SP2: variants seen among roughly 807,000 people sequenced by gnomAD.
The protein encoded by SP2 is transcription factor Sp2.
In SP2, 9 loss-of-function variants were observed where a neutral mutation model predicts 50.1. The observed-to-expected ratio is 0.18, with a 90% confidence interval of 0.11 to 0.31. The LOEUF is 0.31. Among genes scored for constraint, SP2 ranks in the 10% least tolerant of loss-of-function variants. SP2 has a pLI of 1.00. For synonymous variants in SP2, 313 were observed against 326.6 expected (o/e 0.96, Z 0.45); for missense variants, 581 against 806.5 (o/e 0.72, Z 3.39).
Position 47,928,187 on chromosome 17 carries a change from C to A in SP2, c.*363C>A. 5.2e-6 allele frequency: 1 copy of A among 193,246 alleles called. No homozygotes were observed. The allele number at this position is 193,246 out of a possible 1,614,324, so 12.0% of individuals were successfully genotyped here. A position where few individuals can be genotyped will look rare whatever the true frequency, so the allele number is the denominator to read the frequency against. On this transcript the variant is annotated 3_prime_UTR_variant, in exon 7 of 7. Coordinates refer to ENST00000376741, the MANE Select transcript of SP2 (RefSeq NM_003110.6). ...CTACCCCCCACCCCGATCCCCGCTC[C>A]CAACACTGCCGGAGTCGCGTCATGC... is the stretch of plus-strand genomic sequence containing the variant.
chr17:47,930,773 C>T (rs1006625638), downstream of SP2, among the ~76,000 whole-genome samples: 8 of 152,098 alleles, frequency 5.3e-5, no homozygotes, highest in African/African-American at 1.7e-4. Flanking sequence ...GGTAGGGGCC[C>T]CACATGTGTA....
intron 1 of SP2, among the ~76,000 whole-genome samples, chr17:47,910,084 C>G (rs528864778): frequency 1.3e-5 from 2 of 152,022 alleles, no homozygotes; most frequent in Middle Eastern, 3.4e-3. Context: ...CCTGATACAC[C>G]TGCCTCAACC....
intron 1 of SP2, chr17:47,900,179 C>T (rs1187435597): frequency 6.6e-6 from 1 of 152,234 alleles, no homozygotes; most frequent in Non-Finnish European, 1.5e-5. Flanking sequence ...AGCCAGCAGA[C>T]ACTAGCGTAC....
chr17:47,920,185 G>A (rs756130079), intron 3 of SP2, among the ~76,000 whole-genome samples: 19 of 151,826 alleles, frequency 1.3e-4, no homozygotes, highest in Non-Finnish European at 2.2e-4. Context: ...TTTTCAGGTC[G>A]GCTCTCTGCA....
chr17:47,908,109 G>A (rs2034837066), intron 1 of SP2, among the ~76,000 whole-genome samples: 1 of 152,132 alleles, frequency 6.6e-6, no homozygotes, highest in Non-Finnish European at 1.5e-5. Context: ...AGCTGGGGAG[G>A]AAAATGAAAC....
chr17:47,916,523 A>G lies in SP2; in HGVS notation c.452A>G (p.Asn151Ser), dbSNP rs1302555411. Residue 151 changes from asparagine (N) to serine (S), a missense_variant, in exon 3 of 7, where the codon AAT becomes AGT. Asn to Ser is a conservative substitution (Grantham distance 46). This residue lies in a region of SP2 where 397 missense variants were observed against 491.0 expected (regional missense o/e 0.81). Transcript: ENST00000376741. The surrounding 1 kb of genome is among the most constrained non-coding windows in gnomAD (Gnocchi z 4.7). ...SNSQTIQVQP[N>S]LTNQIQIIPG... ...TCCCAAACCATCCAAGTACAGCCCAATCTCACCAACCAGATCCAGATCATC... is the reference window on the plus strand; with the variant it reads ...TCCCAAACCATCCAAGTACAGCCCAGTCTCACCAACCAGATCCAGATCATC... 3.7e-6 allele frequency: 6 copies of G among 1,613,942 alleles called. No homozygotes were observed. Among genetic ancestry groups the G allele is most frequent in the South Asian group, 1.1e-5 (1 of 91,072 alleles).
downstream of SP2, among the ~76,000 whole-genome samples, chr17:47,931,065 G>A (rs1006231067): frequency 6.6e-6 from 1 of 152,118 alleles, no homozygotes; most frequent in Non-Finnish European, 1.5e-5. Flanking sequence ...TTTCTGGCCG[G>A]GCACAGTGGC....
intron 1 of SP2, among the ~76,000 whole-genome samples, chr17:47,913,244 G>A (rs2035061751): frequency 1.3e-5 from 2 of 151,270 alleles, no homozygotes; most frequent in South Asian, 4.2e-4. Context: ...AAGAGATGGG[G>A]TCTTGCTATG....
chr17:47,919,687 A>C (rs1055187998), intron 3 of SP2, among the ~76,000 whole-genome samples: 3 of 152,098 alleles, frequency 2.0e-5, no homozygotes, highest in Non-Finnish European at 2.9e-5. Context: ...AGTGAAACAC[A>C]CTGCTAATTC....
At chr17:47,901,987 ATT>A (rs1395186332) in intron 1 of SP2, among the ~76,000 whole-genome samples, 3 of 152,172 alleles carry the variant, frequency 2.0e-5, no homozygotes, top group Admixed American at 2.0e-4. Context: ...ACTAATAGAT[ATT>A]TGTTAGACAG....
At chr17:47,897,748 C>A in intron 1 of SP2, 1 of 470,050 alleles carries the variant, frequency 2.1e-6, no homozygotes, top group Non-Finnish European at 2.8e-6. Flanking sequence ...CAAAGAAACC[C>A]ATTGTCTGCA....
At chr17:47,927,508 G>A (rs1268027902) in intron 6 of SP2, among the ~76,000 whole-genome samples, 3 of 142,888 alleles carry the variant, frequency 2.1e-5, no homozygotes, top group Admixed American at 7.2e-5. Flanking sequence ...CTCCAGCCTG[G>A]CCAGCAGAGT....
At chr17:47,899,075 G>A (rs1009701326) in intron 1 of SP2, 4 of 152,166 alleles carry the variant, frequency 2.6e-5, no homozygotes, top group South Asian at 2.1e-4. Flanking sequence ...TTGGATATGC[G>A]TGCAACTCCT....
intron 3 of SP2, among the ~76,000 whole-genome samples, chr17:47,921,467 G>C (rs1365399473): frequency 6.6e-6 from 1 of 152,048 alleles, no homozygotes; most frequent in African/African-American, 2.4e-5. Context: ...GACCAAGCTG[G>C]TATTGAACCA....
At chr17:47,905,861 C>T (rs375650204) in intron 1 of SP2, among the ~76,000 whole-genome samples, 17 of 152,176 alleles carry the variant, frequency 1.1e-4, no homozygotes, top group African/African-American at 3.1e-4. Flanking sequence ...AGGAGCTGGC[C>T]GGGCAAATGG....
intron 1 of SP2, chr17:47,908,493 T>C (rs935847879): frequency 1.3e-5 from 2 of 152,224 alleles, no homozygotes; most frequent in Non-Finnish European, 2.9e-5. Flanking sequence ...CAACATGGTC[T>C]GAGAAGTATA....
intron 1 of SP2, among the ~76,000 whole-genome samples, chr17:47,913,874 C>T (rs16949418): frequency 0.25 from 38,003 of 151,990 alleles, 5,685 homozygotes; most frequent in East Asian, 0.51. Context: ...AAAACTCAAC[C>T]GCTAGGAGAT....
chr17:47,905,283 T>C (rs1439294772), intron 1 of SP2, among the ~76,000 whole-genome samples: 1 of 152,194 alleles, frequency 6.6e-6, no homozygotes, highest in African/African-American at 2.4e-5. Context: ...GCTAGGCAAC[T>C]GGAAAAGCCT....
rs1245227360 is a variant in SP2, at chr17:47,928,893, C to T, written c.*1069C>T. 1.6e-4 allele frequency: 25 copies of T among 152,646 alleles called. No individual in the cohort carries two copies. The highest frequency in any genetic ancestry group is 1.6e-3 in the Admixed American group (25 of 15,284). 9.5% of individuals were successfully genotyped at this position (152,646 alleles called of 1,614,324 possible). A position where few individuals can be genotyped will look rare whatever the true frequency, so the allele number is the denominator to read the frequency against. On this transcript the variant is annotated 3_prime_UTR_variant, in exon 7 of 7. Coordinates refer to ENST00000376741, the MANE Select transcript of SP2 (RefSeq NM_003110.6). Reference sequence around the variant, plus strand: ...TCCTTTATTAACGTACTTTGTTGGTCAGCACTGGGCTGACAAAAATTTTTT... The same window carrying T: ...TCCTTTATTAACGTACTTTGTTGGTTAGCACTGGGCTGACAAAAATTTTTT...
Sources: allele counts gnomAD v4.1 joint callset (sites outside exome capture counted in the v4.1 genomes callset), GRCh38; gene constraint gnomAD v4.1.1; regional missense constraint gnomAD v4.1.1; non-coding constraint Gnocchi (gnomAD v3.1); transcripts MANE v1.5; gene names NCBI Gene and HGNC (gene_info 2026-07-23, HGNC 2026-07-21).